ALMS1: variants seen among roughly 807,000 people sequenced by gnomAD.
ALMS1 encodes ALMS1 centrosome and basal body associated protein.
A neutral mutation model predicts 352.2 loss-of-function variants in ALMS1; 271 were observed. The observed-to-expected ratio is 0.77, with a 90% CI of 0.70 to 0.85. The LOEUF (loss-of-function observed/expected upper bound fraction) is 0.85. Ranked by LOEUF, ALMS1 falls within the 40% of genes least tolerant of loss-of-function variation. The probability of loss-of-function intolerance (pLI) is 0.00; values close to 1 mark genes in which losing one functional copy is unlikely to be tolerated. For missense variants in ALMS1, 5,445 were observed against 4,870.7 expected, an observed-to-expected ratio of 1.12 and a Z score of -3.51; for synonymous variants, 1,865 against 1,761.2, an observed-to-expected ratio of 1.06 and a Z score of -1.48.
chr2:73,493,389 CAT>C (rs561483326), intron 10 of ALMS1, among the ~76,000 whole-genome samples: 1 of 150,032 alleles, frequency 6.7e-6, no homozygotes, highest in Non-Finnish European at 1.5e-5. Flanking sequence ...ATGCATAAAA[CAT>C]ATATATATAA....
In ALMS1 at chr2:73,572,911, G is replaced by T; in HGVS notation, c.11034G>T (p.Arg3678=). The T allele has an allele frequency of 1.9e-6, 3 of 1,614,090 alleles. No individual in the cohort carries two copies. Among genetic ancestry groups the T allele is most frequent in the Non-Finnish European group, 2.5e-6 (3 of 1,179,998 alleles). Residue 3678 remains arginine, a synonymous_variant, in exon 16 of 23, where the codon CGG becomes CGT. Transcript: ENST00000613296. The part of the protein sequence containing the change: ...QQRNKLQKKK[R]FKSLEKSHKN... ...GAAATAAGCTTCAGAAAAAGAAGCG[G>T]TTTAAAAGCCTAGAGAAAAGCCATA...
At chr2:73,434,199 T>G (rs1671565308) in intron 7 of ALMS1, among the ~76,000 whole-genome samples, 1 of 152,102 alleles carries the variant, frequency 6.6e-6, no homozygotes, top group Admixed American at 6.5e-5. Flanking sequence ...AGGTGGACAG[T>G]TAGGTTATTG....
chr2:73,493,096 GAAGA>G (rs1411375874), intron 10 of ALMS1, among the ~76,000 whole-genome samples: 6 of 152,082 alleles, frequency 3.9e-5, no homozygotes, highest in African/African-American at 7.2e-5. Context: ...CTATGAATGA[GAAGA>G]AAGTAATAGA....
chr2:73,393,929 T>C (rs2103637898), intron 1 of ALMS1, among the ~76,000 whole-genome samples: 1 of 151,808 alleles, frequency 6.6e-6, no homozygotes, highest in Admixed American at 6.6e-5. Flanking sequence ...CAAGTGGACC[T>C]CCTATCTCAG....
intron 11 of ALMS1, among the ~76,000 whole-genome samples, chr2:73,525,364 A>G (rs945554432): frequency 1.3e-5 from 2 of 152,234 alleles, no homozygotes; most frequent in Middle Eastern, 3.4e-3. Context: ...ACTGTTCTCT[A>G]TAGTGTTGTA....
rs1674604760 is a variant in ALMS1, at chr2:73,559,115, A to T, written c.10357A>T (p.Lys3453Ter). The T allele has an allele frequency of 2.5e-6, 4 of 1,613,768 alleles. No homozygotes were observed. Among genetic ancestry groups the T allele is most frequent in the Admixed American group, 3.3e-5 (2 of 59,978 alleles). ...TCCCGAGGAAGCCTGGCCAAACAAT[A>T]AAGAATCCCTACAGATCAATATTGA... ...TVPEEAWPNN[K>*]ESLQINIEES... Residue 3453 changes from lysine to a stop codon, truncating the protein, a stop_gained, in exon 15 of 23, where the codon AAA becomes TAA. Transcript: ENST00000613296. LOFTEE classifies it high-confidence loss of function.
At position 73,558,171 on chromosome 2, in the gene ALMS1, A is replaced by C. The variant is rs1454240583; in HGVS notation, c.10214-801A>C. Among the ~76,000 whole-genome samples, 6 of 152,344 alleles carry C rather than the reference A, an allele frequency of 3.9e-5. No homozygotes were observed. In the East Asian group the frequency reaches 1.2e-3, roughly 29 times the overall value. On this transcript the variant is annotated intron_variant, in intron 14 of 22. Coordinates refer to ENST00000613296, the MANE Select transcript of ALMS1 (RefSeq NM_001378454.1). Reference sequence around the variant, plus strand: ...AGCTGGGAAATTGAGTTGTTATTCTAATAACAATGTGCCCAGCTAAAGTTA... The same window carrying C: ...AGCTGGGAAATTGAGTTGTTATTCTCATAACAATGTGCCCAGCTAAAGTTA...
chr2:73,424,958 T>C (rs1230815373), intron 5 of ALMS1, 56 bp downstream of exon 5: 4 of 1,462,810 alleles, frequency 2.7e-6, no homozygotes, highest in Non-Finnish European at 3.7e-6. Flanking sequence ...AAAATAAAAT[T>C]CCCAAGGGAA....
intron 15 of ALMS1, among the ~76,000 whole-genome samples, chr2:73,568,270 T>C (rs897984470): frequency 6.6e-6 from 1 of 152,184 alleles, no homozygotes; most frequent in Non-Finnish European, 1.5e-5. Context: ...GAAGTGCAAA[T>C]TTGTTGCAAC....
At chr2:73,588,865 C>CT (rs1422856249) in intron 16 of ALMS1, among the ~76,000 whole-genome samples, 3 of 152,142 alleles carry the variant, frequency 2.0e-5, no homozygotes, top group African/African-American at 4.8e-5. Flanking sequence ...TCATATCAGA[C>CT]TTTACATGCC....
chr2:73,492,960 T>A, intron 10 of ALMS1, among the ~76,000 whole-genome samples: 1 of 135,050 alleles, frequency 7.4e-6, no homozygotes. Flanking sequence ...CTGGTCAGTA[T>A]TGATACTTAA....
At chr2:73,440,446 C>T (rs902115798) in intron 7 of ALMS1, among the ~76,000 whole-genome samples, 9 of 152,070 alleles carry the variant, frequency 5.9e-5, no homozygotes, top group African/African-American at 1.7e-4. Flanking sequence ...CTCTCGCGTT[C>T]GCTGTCTTTC....
Position 73,572,713 on chromosome 2 carries a change from G to A in ALMS1, c.10836G>A (p.Gln3612=). 6.2e-7 allele frequency: 1 copy of A among 1,614,096 alleles called. No individual in the cohort carries two copies. Among genetic ancestry groups the A allele is most frequent in the Non-Finnish European group, 8.5e-7 (1 of 1,180,000 alleles). The stretch of plus-strand genomic sequence containing the variant: ...AGTATCGGGAGCGACAGAGGCAACA[G>A]AGACAGCCTGAGTTGGGTGACAGGA... The part of the protein sequence containing the change: ...WNKYRERQRQ[Q]RQPELGDRKE... Residue 3612 remains glutamine (Q), a synonymous_variant, in exon 16 of 23, where the codon CAG becomes CAA. Coordinates refer to ENST00000613296, the MANE Select transcript of ALMS1 (RefSeq NM_001378454.1).
intron 9 of ALMS1, among the ~76,000 whole-genome samples, chr2:73,482,458 T>C (rs149981263): frequency 6.6e-6 from 1 of 152,356 alleles, no homozygotes; most frequent in African/African-American, 2.4e-5. Context: ...AGCTTTTCGG[T>C]GTGCTGCTGG....
At chr2:73,428,525 A>C (rs1244671434) in intron 6 of ALMS1, among the ~76,000 whole-genome samples, 2 of 152,244 alleles carry the variant, frequency 1.3e-5, no homozygotes, top group East Asian at 3.8e-4. Flanking sequence ...TAAATTTTTA[A>C]TACTACTTTT....
chr2:73,514,386 A>G (rs1673513497), intron 10 of ALMS1, among the ~76,000 whole-genome samples: 2 of 152,020 alleles, frequency 1.3e-5, no homozygotes, highest in African/African-American at 4.8e-5. Flanking sequence ...TTTACCTTAA[A>G]TTAGTACTTT....
chr2:73,587,363 G>A (rs980955510), intron 16 of ALMS1, among the ~76,000 whole-genome samples: 1 of 152,092 alleles, frequency 6.6e-6, no homozygotes, highest in African/African-American at 2.4e-5. Context: ...CCAGTTCTCA[G>A]GGGAAATCCT....
chr2:73,609,553 T>C lies in ALMS1; in HGVS notation c.12463-15T>C, dbSNP rs1445725250. On this transcript the variant is annotated splice_polypyrimidine_tract_variant and intron_variant, in intron 22 of 22. Transcript: ENST00000613296. ...TAATATCTAACTTCTTTCCTGCCTT[T>C]CTTTTCTTCTACAGAGAGTGACCAA... The C allele has an allele frequency of 1.9e-6, 3 of 1,614,066 alleles. No individual in the cohort carries two copies. The highest frequency in any genetic ancestry group is 1.1e-5 in the South Asian group (1 of 91,082).
chr2:73,447,189 T>C (rs1671825771), intron 7 of ALMS1, among the ~76,000 whole-genome samples: 1 of 152,156 alleles, frequency 6.6e-6, no homozygotes, highest in African/African-American at 2.4e-5. Context: ...TACACTGCTG[T>C]TTAAAACTGC....
Sources: gnomAD v4.1 joint callset for allele counts (sites outside exome capture counted in the v4.1 genomes callset) on GRCh38, gnomAD v4.1.1 for gene constraint, MANE v1.5 for transcripts, NCBI Gene and HGNC (gene_info 2026-07-23, HGNC 2026-07-21) for gene names.